The following RBFOX3 variants were observed in gnomAD, a reference collection of about 807,000 sequenced individuals.
The protein encoded by RBFOX3 is RNA binding protein fox-1 homolog 3.
In RBFOX3, 17 loss-of-function variants were observed where a neutral mutation model predicts 48.7. The observed-to-expected ratio is 0.35, with a 90% CI of 0.24 to 0.52. The LOEUF (loss-of-function observed/expected upper bound fraction) is 0.52. RBFOX3 is among the 20% of genes least tolerant of loss of function. The pLI is 0.94. For synonymous variants in RBFOX3, 212 were observed against 209.5 expected (o/e 1.01, Z -0.10); for missense variants, 382 against 497.5 (o/e 0.77, Z 2.21).
chr17:79,574,592 A>G (rs2092794659), intron 1 of RBFOX3, among the ~76,000 whole-genome samples: 2 of 152,250 alleles, frequency 1.3e-5, no homozygotes, highest in Non-Finnish European at 2.9e-5. Context: ...TTCTTCCAGA[A>G]AACTCATGAA....
chr17:79,146,573 C>T (rs2043080311), intron 4 of RBFOX3, among the ~76,000 whole-genome samples: 2 of 152,240 alleles, frequency 1.3e-5, no homozygotes, highest in African/African-American at 4.8e-5. Flanking sequence ...CAAAGCCAGT[C>T]GGTTCCCAGG....
intron 3 of RBFOX3, among the ~76,000 whole-genome samples, chr17:79,291,108 A>G (rs529697845): frequency 6.6e-6 from 1 of 152,394 alleles, no homozygotes; most frequent in African/African-American, 2.4e-5. Context: ...ATAAAATGCC[A>G]GCCTGCAGTT....
chr17:79,561,721 C>T (rs1459704320), intron 1 of RBFOX3, among the ~76,000 whole-genome samples: 3 of 152,180 alleles, frequency 2.0e-5, no homozygotes, highest in South Asian at 4.1e-4. Flanking sequence ...CATCCCGGCC[C>T]GAGTCACAGA....
intron 2 of RBFOX3, among the ~76,000 whole-genome samples, chr17:79,455,272 G>A (rs1270960447): frequency 3.9e-5 from 6 of 152,314 alleles, no homozygotes; most frequent in South Asian, 2.1e-4. Context: ...ACGGGGGAGC[G>A]GAGAGGGGGA....
At chr17:79,462,255 A>C (rs2075462195) in intron 2 of RBFOX3, among the ~76,000 whole-genome samples, 1 of 152,206 alleles carries the variant, frequency 6.6e-6, no homozygotes, top group African/African-American at 2.4e-5. Context: ...TAACGATAAG[A>C]TGCACAGGCT....
intron 3 of RBFOX3, among the ~76,000 whole-genome samples, chr17:79,272,568 C>G (rs1322368586): frequency 6.6e-6 from 1 of 152,206 alleles, no homozygotes; most frequent in East Asian, 1.9e-4. Flanking sequence ...GCTGCCTCCC[C>G]AGGTGGCCCC....
chr17:79,356,356 T>TG, intron 2 of RBFOX3, among the ~76,000 whole-genome samples: 2 of 59,750 alleles, frequency 3.3e-5, no homozygotes, highest in East Asian at 6.3e-4. Context: ...AAGTTTTTTT[T>TG]TTTTTTTTTT....
At chr17:79,505,165 C>T (rs1341579163) in intron 1 of RBFOX3, among the ~76,000 whole-genome samples, 2 of 152,096 alleles carry the variant, frequency 1.3e-5, no homozygotes, top group African/African-American at 4.8e-5. Flanking sequence ...GACTCTGGCA[C>T]CACAAAGGAA....
intron 2 of RBFOX3, among the ~76,000 whole-genome samples, chr17:79,434,589 C>T (rs1027220303): frequency 1.3e-5 from 2 of 152,166 alleles, no homozygotes; most frequent in Non-Finnish European, 2.9e-5. Flanking sequence ...AGCCTACTGT[C>T]TCTCTTTCAG....
intron 1 of RBFOX3, among the ~76,000 whole-genome samples, chr17:79,497,008 G>C (rs2081633102): frequency 6.6e-6 from 1 of 152,114 alleles, no homozygotes; most frequent in African/African-American, 2.4e-5. Flanking sequence ...ATCCCTCCCA[G>C]CCAGCCCATC....
At chr17:79,504,612 T>C (rs985192048) in intron 1 of RBFOX3, among the ~76,000 whole-genome samples, 4 of 152,216 alleles carry the variant, frequency 2.6e-5, no homozygotes, top group African/African-American at 7.2e-5. Flanking sequence ...CTCCAGTCTC[T>C]GCTTCTGTGG....
chr17:79,525,041 T>C (rs1482423505), intron 1 of RBFOX3, among the ~76,000 whole-genome samples: 1 of 152,238 alleles, frequency 6.6e-6, no homozygotes, highest in Non-Finnish European at 1.5e-5. Context: ...CTAAGCATAT[T>C]GCCCTCAAGG....
chr17:79,124,433 C>A (rs985589294), intron 4 of RBFOX3, among the ~76,000 whole-genome samples: 22 of 152,248 alleles, frequency 1.4e-4, no homozygotes, highest in Non-Finnish European at 2.9e-4. Flanking sequence ...AGTTATGGAG[C>A]CCCTCCTCTG....
intron 4 of RBFOX3, among the ~76,000 whole-genome samples, chr17:79,118,110 C>T (rs907524691): frequency 2.7e-4 from 41 of 152,026 alleles, no homozygotes; most frequent in Admixed American, 2.4e-3. Flanking sequence ...CAGTGCCGGC[C>T]GGCCCTGGGC....
At chr17:79,531,312 G>A (rs947379622) in intron 1 of RBFOX3, among the ~76,000 whole-genome samples, 11 of 152,198 alleles carry the variant, frequency 7.2e-5, no homozygotes, top group Non-Finnish European at 7.4e-5. Flanking sequence ...CCGCCCAGAG[G>A]CCCCAGGTGG....
At chr17:79,382,971 G>C (rs1193123208) in intron 2 of RBFOX3, among the ~76,000 whole-genome samples, 2 of 150,802 alleles carry the variant, frequency 1.3e-5, no homozygotes, top group African/African-American at 4.9e-5. Context: ...TTAGCTATTA[G>C]GACCACATTT....
intron 2 of RBFOX3, among the ~76,000 whole-genome samples, chr17:79,416,372 C>A (rs1256888516): frequency 6.6e-6 from 1 of 152,194 alleles, no homozygotes. Context: ...AGCCCAAAGC[C>A]TCCTCCCTAG....
intron 7 of RBFOX3, 28 bp downstream of exon 7, chr17:79,104,045 T>A (rs1262152994): frequency 4.5e-6 from 7 of 1,544,872 alleles, no homozygotes; most frequent in East Asian, 2.4e-5. Context: ...GCCGGCGCTG[T>A]AAGGCGGCAG....
At chr17:79,485,590 C>T (rs1011766953) in intron 1 of RBFOX3, among the ~76,000 whole-genome samples, 2 of 152,168 alleles carry the variant, frequency 1.3e-5, no homozygotes, top group African/African-American at 4.8e-5. Context: ...AAGGCGGTGC[C>T]CCCAGCAGCC....
Sources: allele counts gnomAD v4.1 joint callset (sites outside exome capture counted in the v4.1 genomes callset), GRCh38; gene constraint gnomAD v4.1.1; transcripts MANE v1.5; gene names NCBI Gene and HGNC (gene_info 2026-07-23, HGNC 2026-07-21).